PAPOLA: variants seen among roughly 807,000 people sequenced by gnomAD.
PAPOLA encodes the protein poly(A) polymerase alpha.
A neutral mutation model predicts 100.6 loss-of-function variants in PAPOLA; 15 were observed. The ratio of observed to expected loss-of-function variants is 0.15; its 90% confidence interval spans 0.10 to 0.23. The LOEUF (loss-of-function observed/expected upper bound fraction) is 0.23, where lower values mean the gene tolerates loss of function less well. Among genes scored for constraint, PAPOLA ranks in the 10% least tolerant of loss-of-function variants. The pLI is 1.00. For missense variants in PAPOLA, 533 were observed against 884.2 expected (o/e 0.60, Z 5.04); for synonymous variants, 293 against 300.0 (o/e 0.98, Z 0.24).
Position 96,506,653 on chromosome 14 carries a change from T to C in PAPOLA, c.8+4053T>C, listed in dbSNP as rs188292766. Among the ~76,000 whole-genome samples, 622 of 152,276 alleles carry C rather than the reference T, an allele frequency of 4.1e-3. 3 individuals are homozygous for C. The highest frequency in any genetic ancestry group is 0.014 in the African/African-American group (590 of 41,540). On this transcript the variant is annotated intron_variant, in intron 1 of 21. Coordinates refer to ENST00000216277, the MANE Select transcript of PAPOLA (RefSeq NM_032632.5). ...TAAAAGATGTTTCTGCTGACATTGG[T>C]GGTAATATTAATGCATATAGTTTTA...
intron 19 of PAPOLA, among the ~76,000 whole-genome samples, chr14:96,558,934 C>G (rs1225375562): frequency 6.6e-6 from 1 of 151,552 alleles, no homozygotes; most frequent in Non-Finnish European, 1.5e-5. Flanking sequence ...AAAAAGATCC[C>G]TGTGTTGCAA....
chr14:96,561,359 A>T (rs964167129), intron 20 of PAPOLA, among the ~76,000 whole-genome samples: 1 of 152,098 alleles, frequency 6.6e-6, no homozygotes, highest in Non-Finnish European at 1.5e-5. Flanking sequence ...CTCCCAAATT[A>T]TCCAGATTTC....
intron 12 of PAPOLA, among the ~76,000 whole-genome samples, chr14:96,539,335 A>C (rs1382648560): frequency 6.6e-6 from 1 of 152,154 alleles, no homozygotes; most frequent in African/African-American, 2.4e-5. Flanking sequence ...TTACGTAAAC[A>C]TAGAATTGCA....
At chr14:96,557,288 C>G (rs1199826695) in intron 19 of PAPOLA, among the ~76,000 whole-genome samples, 1 of 152,194 alleles carries the variant, frequency 6.6e-6, no homozygotes, top group Non-Finnish European at 1.5e-5. Flanking sequence ...TGGGCTCAAG[C>G]GATCCTCCTG....
At chr14:96,558,940 T>G (rs964571798) in intron 19 of PAPOLA, among the ~76,000 whole-genome samples, 2 of 152,044 alleles carry the variant, frequency 1.3e-5, no homozygotes, top group African/African-American at 4.8e-5. Context: ...ATCCCTGTGT[T>G]GCAATTGTTT....
chr14:96,509,373 A>G (rs1896948032), intron 1 of PAPOLA, among the ~76,000 whole-genome samples: 1 of 152,130 alleles, frequency 6.6e-6, no homozygotes, highest in South Asian at 2.1e-4. Flanking sequence ...TTAATTTTCA[A>G]GCTCAATTTT....
intron 1 of PAPOLA, among the ~76,000 whole-genome samples, chr14:96,514,442 A>G (rs1434467456): frequency 1.3e-5 from 2 of 152,058 alleles, no homozygotes; most frequent in African/African-American, 4.8e-5. Context: ...TGGCCTCCCA[A>G]AGTGCTGGGA....
chr14:96,544,916 C>G (rs1048553869), intron 15 of PAPOLA, among the ~76,000 whole-genome samples: 1 of 152,014 alleles, frequency 6.6e-6, no homozygotes, highest in Non-Finnish European at 1.5e-5. Flanking sequence ...GACCTGTACC[C>G]TAAGATGAAA....
chr14:96,514,999 T>G (rs201110902), intron 1 of PAPOLA, among the ~76,000 whole-genome samples: 1 of 12,126 alleles, frequency 8.2e-5, no homozygotes, highest in Non-Finnish European at 1.3e-4. Flanking sequence ...GAAGTCACAG[T>G]TTTTTTAGTA....
At chr14:96,563,031 A>C (rs1377720373) in intron 21 of PAPOLA, 138 bp downstream of exon 21, 1 of 561,456 alleles carries the variant, frequency 1.8e-6, no homozygotes, top group Non-Finnish European at 3.1e-6. Context: ...CTATAAACGT[A>C]TTTATTGTAG....
chr14:96,565,396 G>T lies in PAPOLA; in HGVS notation c.*346G>T. ...AAATTTGCAATACAAACTGGCATAA[G>T]AATTACTTATTCTGATGATGCACTT... On this transcript the variant is annotated 3_prime_UTR_variant, in exon 22 of 22. Coordinates refer to ENST00000216277, the MANE Select transcript of PAPOLA (RefSeq NM_032632.5). The T allele has an allele frequency of 3.2e-6, 1 of 309,742 alleles. No individual in the cohort carries two copies. Among genetic ancestry groups the T allele is most frequent in the Non-Finnish European group, 5.9e-6 (1 of 169,474 alleles). 19.2% of individuals were successfully genotyped at this position (309,742 alleles called of 1,614,324 possible).
chr14:96,520,863 C>A (rs895868899), intron 2 of PAPOLA, 143 bp from the exon 3 acceptor site: 13 of 562,976 alleles, frequency 2.3e-5, no homozygotes, highest in South Asian at 1.5e-4. Flanking sequence ...AGAGAGAGAG[C>A]GAGCGAGCGT....
At chr14:96,535,711 A>T (rs959937148) in intron 10 of PAPOLA, 168 bp from the exon 11 acceptor site, 1 of 813,496 alleles carries the variant, frequency 1.2e-6, no homozygotes. Flanking sequence ...TTGATTCTAT[A>T]AAAAATTCCT....
At chr14:96,533,549 T>A in intron 9 of PAPOLA, 42 of 622,140 alleles carry the variant, frequency 6.8e-5, no homozygotes, top group Non-Finnish European at 7.9e-5. Flanking sequence ...AGAATTTCTT[T>A]TTTTTTTTTT....
intron 1 of PAPOLA, among the ~76,000 whole-genome samples, chr14:96,503,535 A>G (rs530424624): frequency 9.2e-5 from 14 of 151,886 alleles, no homozygotes; most frequent in Middle Eastern, 3.4e-3. Context: ...TCCTGCAAAT[A>G]TACAGCATTG....
In PAPOLA at chr14:96,522,123, T is replaced by C. The variant is rs1337064040; in HGVS notation, c.249+1051T>C. ...TAGCCTCTTTCTTTCTTTCTTTTTT[T>C]TTTTTTTTTTTTTTTTTTGAGACAG... On this transcript the variant is annotated intron_variant, in intron 3 of 21. Transcript: ENST00000216277. Among the ~76,000 whole-genome samples the C allele has an allele frequency of 4.7e-5, 6 of 128,456 alleles. No individual in the cohort carries two copies. In the East Asian group the frequency reaches 1.0e-3, roughly 22 times the overall value. 84.3% of individuals were successfully genotyped at this position (128,456 alleles called of 152,430 possible).
chr14:96,520,304 C>T, intron 2 of PAPOLA, 76 bp downstream of exon 2: 1 of 1,104,706 alleles, frequency 9.1e-7, no homozygotes, highest in Non-Finnish European at 1.3e-6. Context: ...GAGGCATTCT[C>T]TACTTACTTA....
chr14:96,503,295 G>C (rs1037277060), intron 1 of PAPOLA, among the ~76,000 whole-genome samples: 1 of 152,170 alleles, frequency 6.6e-6, no homozygotes, highest in African/African-American at 2.4e-5. Flanking sequence ...TCCCTGTTTT[G>C]TTTTGATGGG....
intron 21 of PAPOLA, 109 bp downstream of exon 21, chr14:96,563,002 A>G: frequency 1.5e-6 from 1 of 662,848 alleles, no homozygotes; most frequent in South Asian, 1.9e-5. Flanking sequence ...AATCTTTCTG[A>G]AAGTAATTAC....
Sources: allele counts gnomAD v4.1 joint callset (sites outside exome capture counted in the v4.1 genomes callset), GRCh38; gene constraint gnomAD v4.1.1; transcripts MANE v1.5; gene names NCBI Gene and HGNC (gene_info 2026-07-23, HGNC 2026-07-21).